The following PDZRN4 variants were observed in gnomAD, a reference collection of about 807,000 sequenced individuals.
PDZRN4 encodes the protein PDZ domain-containing RING finger protein 4.
PDZRN4 carries 70 observed loss-of-function variants against 99.0 expected under a neutral mutation model. That is an observed-to-expected ratio of 0.71 (90% CI 0.58 to 0.86). The LOEUF (loss-of-function observed/expected upper bound fraction) is 0.86, where lower values mean the gene tolerates loss of function less well. PDZRN4 is among the 40% of genes least tolerant of loss of function. The pLI is 0.00. For synonymous variants in PDZRN4, 551 were observed against 501.6 expected, an observed-to-expected ratio of 1.10 and a Z score of -1.32; for missense variants, 1,474 against 1,331.2, an observed-to-expected ratio of 1.11 and a Z score of -1.67.
chr12:41,264,032 A>T (rs1170044756), intron 3 of PDZRN4, among the ~76,000 whole-genome samples: 1 of 152,204 alleles, frequency 6.6e-6, no homozygotes, highest in African/African-American at 2.4e-5. Context: ...ATTTGAAAAT[A>T]TAAAAGTATA....
chr12:41,563,175 G>A (rs989799022), intron 7 of PDZRN4, among the ~76,000 whole-genome samples: 1 of 152,094 alleles, frequency 6.6e-6, no homozygotes, highest in African/African-American at 2.4e-5. Context: ...TTTCAGTTGT[G>A]GTATTGCCAG....
At chr12:41,282,066 G>T (rs1452011371) in intron 3 of PDZRN4, among the ~76,000 whole-genome samples, 1 of 152,066 alleles carries the variant, frequency 6.6e-6, no homozygotes, top group Non-Finnish European at 1.5e-5. Context: ...CAATTAAGAG[G>T]CAAAGACTGG....
intron 3 of PDZRN4, among the ~76,000 whole-genome samples, chr12:41,270,307 GTGTGGTGTGTGTGTGTGTC>G (rs1951306309): frequency 5.4e-5 from 8 of 147,638 alleles, no homozygotes; most frequent in African/African-American, 2.1e-4. Context: ...GTGTCTGTGT[GTGTGGTGTGTGTGTGTGTC>G]TGTGTGTGTG....
At chr12:41,475,433 AG>A in intron 3 of PDZRN4, among the ~76,000 whole-genome samples, 1 of 152,218 alleles carries the variant, frequency 6.6e-6, no homozygotes, top group East Asian at 1.9e-4. Flanking sequence ...TTCAGTAGTT[AG>A]AATCAATATA....
intron 3 of PDZRN4, among the ~76,000 whole-genome samples, chr12:41,264,198 T>A (rs1446827774): frequency 6.6e-6 from 1 of 152,124 alleles, no homozygotes; most frequent in African/African-American, 2.4e-5. Context: ...AATGAAAACA[T>A]TGTATTGGCA....
chr12:41,226,714 T>C (rs982836856), intron 3 of PDZRN4, among the ~76,000 whole-genome samples: 3 of 152,192 alleles, frequency 2.0e-5, no homozygotes, highest in African/African-American at 7.2e-5. Context: ...AAATTTGTAA[T>C]CTGTATTTCA....
rs1279619766 is a variant in PDZRN4, at chr12:41,540,340, A to G, written c.1204-12316A>G. Among the ~76,000 whole-genome samples the G allele has an allele frequency of 2.7e-4, 41 of 152,242 alleles. 1 individual carries two copies. Among genetic ancestry groups the G allele is most frequent in the South Asian group, 2.1e-4 (1 of 4,834 alleles). ...AAATACTGTATTTTAGGGGTGTTAT[A>G]GTACGGCATGGAAGAGATTTAATTC... On this transcript the variant is annotated intron_variant, in intron 5 of 9. Coordinates refer to ENST00000402685, the MANE Select transcript of PDZRN4 (RefSeq NM_001164595.2).
At chr12:41,254,591 T>C (rs944739676) in intron 3 of PDZRN4, among the ~76,000 whole-genome samples, 2 of 152,234 alleles carry the variant, frequency 1.3e-5, no homozygotes, top group African/African-American at 4.8e-5. Context: ...GTAATAAATA[T>C]TTTACCATTT....
At chr12:41,261,365 A>C (rs1049686451) in intron 3 of PDZRN4, among the ~76,000 whole-genome samples, 1 of 152,226 alleles carries the variant, frequency 6.6e-6, no homozygotes, top group Non-Finnish European at 1.5e-5. Context: ...TTTGTTAGAA[A>C]TCTAATAACT....
intron 3 of PDZRN4, among the ~76,000 whole-genome samples, chr12:41,346,125 T>G (rs898350177): frequency 6.6e-6 from 1 of 152,118 alleles, no homozygotes; most frequent in African/African-American, 2.4e-5. Context: ...TATAAGCAGA[T>G]CTTGTGCGCA....
chr12:41,524,516 AAGT>A (rs1938540174), intron 5 of PDZRN4, among the ~76,000 whole-genome samples: 1 of 152,140 alleles, frequency 6.6e-6, no homozygotes. Flanking sequence ...CAGAAAGGGA[AAGT>A]ATAGAGTTCA....
chr12:41,541,807 C>A (rs11180989), intron 5 of PDZRN4, among the ~76,000 whole-genome samples: 22,381 of 152,134 alleles, frequency 0.15, 2,102 homozygotes, highest in Non-Finnish European at 0.21. Flanking sequence ...GATCATTTTG[C>A]GAATGTTTAG....
intron 3 of PDZRN4, among the ~76,000 whole-genome samples, chr12:41,209,176 C>T (rs1477301729): frequency 6.6e-6 from 1 of 151,760 alleles, no homozygotes; most frequent in Admixed American, 6.6e-5. Flanking sequence ...TCACGGGAAG[C>T]GGTGGTTTAT....
At chr12:41,251,823 A>G (rs1019988393) in intron 3 of PDZRN4, among the ~76,000 whole-genome samples, 3 of 152,166 alleles carry the variant, frequency 2.0e-5, no homozygotes, top group Non-Finnish European at 4.4e-5. Context: ...AAAACGTTAT[A>G]TTTAAAATAA....
intron 3 of PDZRN4, among the ~76,000 whole-genome samples, chr12:41,488,674 G>A (rs1278656154): frequency 6.6e-6 from 1 of 152,042 alleles, no homozygotes; most frequent in East Asian, 1.9e-4. Context: ...AACTTCTCCG[G>A]GCTGGAGGGA....
intron 3 of PDZRN4, among the ~76,000 whole-genome samples, chr12:41,368,756 G>C (rs911837438): frequency 6.6e-6 from 1 of 151,970 alleles, no homozygotes; most frequent in Non-Finnish European, 1.5e-5. Context: ...GATCTGTATC[G>C]CTTCCATTAA....
chr12:41,565,175 T>C (rs1939342807), intron 8 of PDZRN4, among the ~76,000 whole-genome samples: 1 of 152,136 alleles, frequency 6.6e-6, no homozygotes, highest in Admixed American at 6.6e-5. Flanking sequence ...AAAGAGTCAA[T>C]GCTGAAGGAT....
chr12:41,284,199 C>T (rs1951407143), intron 3 of PDZRN4, among the ~76,000 whole-genome samples: 1 of 152,168 alleles, frequency 6.6e-6, no homozygotes, highest in Non-Finnish European at 1.5e-5. Flanking sequence ...AAATTACTAG[C>T]ATTCCTATAC....
intron 3 of PDZRN4, among the ~76,000 whole-genome samples, chr12:41,290,955 T>C (rs994131279): frequency 2.0e-5 from 3 of 152,096 alleles, no homozygotes; most frequent in Admixed American, 6.6e-5. Context: ...GAACAAAGCA[T>C]ACATTTAAAT....
Sources: allele counts gnomAD v4.1 joint callset (sites outside exome capture counted in the v4.1 genomes callset), GRCh38; gene constraint gnomAD v4.1.1; transcripts MANE v1.5; gene names NCBI Gene and HGNC (gene_info 2026-07-23, HGNC 2026-07-21).